Variants in KCNA3 observed in about 807,000 individuals in gnomAD.
KCNA3 encodes the protein potassium voltage-gated channel subfamily A member 3, also known as RP11-284N8.3.
A neutral mutation model predicts 34.3 loss-of-function variants in KCNA3; 18 were observed. That is an observed-to-expected ratio of 0.52 (90% CI 0.36 to 0.78). The LOEUF (loss-of-function observed/expected upper bound fraction) is 0.78. Ranked by LOEUF, KCNA3 falls within the 30% of genes least tolerant of loss-of-function variation. The pLI, the probability that KCNA3 is intolerant of heterozygous loss-of-function variation, is 0.00. For synonymous variants in KCNA3, 324 were observed against 351.7 expected (o/e 0.92, Z 0.88); for missense variants, 587 against 802.5 (o/e 0.73, Z 3.24).
At chr1:110,668,238 TTTC>T (rs1361713608), downstream of KCNA3, among the ~76,000 whole-genome samples, 1 of 152,162 alleles carries the variant, frequency 6.6e-6, no homozygotes, top group African/African-American at 2.4e-5. Context: ...TCTCACAGTG[TTTC>T]CATAAGTCTT....
chr1:110,671,010 A>C (rs959260896), downstream of KCNA3, among the ~76,000 whole-genome samples: 4 of 152,260 alleles, frequency 2.6e-5, no homozygotes, highest in African/African-American at 9.6e-5. Flanking sequence ...TATATGAAAC[A>C]GAATGATTAT....
chr1:110,661,377 C>A, the KCNA3 span, among the ~76,000 whole-genome samples: 2 of 152,160 alleles, frequency 1.3e-5, no homozygotes, highest in Non-Finnish European at 2.9e-5. Context: ...CACTGCTCAT[C>A]AGTGATTTTA....
At chr1:110,664,840 G>A in the KCNA3 span, among the ~76,000 whole-genome samples, 1 of 152,222 alleles carries the variant, frequency 6.6e-6, no homozygotes, top group African/African-American at 2.4e-5. Context: ...AGATAGTGTG[G>A]CTAGGGAAGG....
the KCNA3 span, among the ~76,000 whole-genome samples, chr1:110,660,457 A>G: frequency 6.6e-6 from 1 of 152,064 alleles, no homozygotes; most frequent in Non-Finnish European, 1.5e-5. Flanking sequence ...GTAATCTATG[A>G]TGAGAACTCT....
downstream of KCNA3, among the ~76,000 whole-genome samples, chr1:110,667,674 G>A (rs932410201): frequency 6.6e-6 from 1 of 152,038 alleles, no homozygotes; most frequent in Non-Finnish European, 1.5e-5. Context: ...GGCTAATGGT[G>A]CAAATTTTAA....
Position 110,674,639 on chromosome 1 carries a change from G to T in KCNA3, c.171C>A (p.Pro57=). The change falls in exon 1 of 1, where the codon CCC becomes CCA. Residue 57 remains proline, a synonymous_variant. Coordinates refer to ENST00000369769, the MANE Select transcript of KCNA3 (RefSeq NM_002232.5). This position sits in a 1 kb window ranked among gnomAD's most constrained non-coding sequence, Gnocchi z 6.4. ...RELPPDMTVV[P]GDHLLEPEVA... Reference sequence around the variant, plus strand: ...CCTCCGGCTCCAGCAGGTGGTCCCCGGGCACCACGGTCATGTCGGGCGGCA... The same window carrying T: ...CCTCCGGCTCCAGCAGGTGGTCCCCTGGCACCACGGTCATGTCGGGCGGCA... 1 of 1,545,792 alleles carries T rather than the reference G, an allele frequency of 6.5e-7. No homozygotes were observed. The highest frequency in any genetic ancestry group is 2.5e-5 in the East Asian group (1 of 39,340).
chr1:110,665,221 A>C, the KCNA3 span, among the ~76,000 whole-genome samples: 1 of 152,246 alleles, frequency 6.6e-6, no homozygotes, highest in Non-Finnish European at 1.5e-5. Context: ...ATAGACTCAA[A>C]TAAGAGGAAG....
In KCNA3 at chr1:110,673,015, G is replaced by A. The variant is rs1651943670; in HGVS notation, c.*67C>T. The A allele has an allele frequency of 6.9e-7, 1 of 1,440,548 alleles. No homozygotes were observed. The highest frequency in any genetic ancestry group is 1.9e-5 in the Admixed American group (1 of 52,406). 89.2% of individuals were successfully genotyped at this position (1,440,548 alleles called of 1,614,324 possible). A position where few individuals can be genotyped will look rare whatever the true frequency, so the allele number is the denominator to read the frequency against. ...ATGGTCTGGAAATGTATAAAACAAG[G>A]GCATAGGCAGACCAAGGGGGCACGT... On this transcript the variant is annotated 3_prime_UTR_variant, in exon 1 of 1. Coordinates refer to ENST00000369769, the MANE Select transcript of KCNA3 (RefSeq NM_002232.5). The surrounding 1 kb of genome is among the most constrained non-coding windows in gnomAD (Gnocchi z 8.8).
At chr1:110,670,837 A>G (rs1007874553), downstream of KCNA3, among the ~76,000 whole-genome samples, 1 of 152,062 alleles carries the variant, frequency 6.6e-6, no homozygotes, top group Non-Finnish European at 1.5e-5. Flanking sequence ...CTCAATCACT[A>G]TTTTCCTCTC....
the KCNA3 span, among the ~76,000 whole-genome samples, chr1:110,662,299 A>G: frequency 6.6e-6 from 1 of 151,982 alleles, no homozygotes; most frequent in Non-Finnish European, 1.5e-5. Flanking sequence ...AGAACAAGAA[A>G]AGAGAATAAG....
In KCNA3 at chr1:110,674,742, G is replaced by T. The variant is rs965826219; in HGVS notation, c.68C>A (p.Pro23His). ...PPSARHRAHP[P>H]QRPASSGGAH... ...ACCGCCGCTGCTCGCTGGGCGCTGA[G>T]GAGGGTGGGCGCGGTGGCGGGCTGA... The change falls in exon 1 of 1, where the codon CCT (proline) becomes CAT (histidine). Residue 23 changes from proline (P) to histidine (H), a missense_variant. This residue lies in a region of KCNA3 where 341 missense variants were observed against 355.4 expected (regional missense o/e 0.96). Coordinates refer to ENST00000369769, the MANE Select transcript of KCNA3 (RefSeq NM_002232.5). This position sits in a 1 kb window ranked among gnomAD's most constrained non-coding sequence, Gnocchi z 6.4. 9 of 1,412,530 alleles carry T rather than the reference G, an allele frequency of 6.4e-6. No homozygotes were observed. Among genetic ancestry groups the T allele is most frequent in the Non-Finnish European group, 2.7e-6 (3 of 1,091,074 alleles). 87.5% of individuals were successfully genotyped at this position (1,412,530 alleles called of 1,614,324 possible).
the KCNA3 span, among the ~76,000 whole-genome samples, chr1:110,660,511 AGAG>A: frequency 6.7e-6 from 1 of 149,476 alleles, no homozygotes; most frequent in African/African-American, 2.4e-5. Context: ...GGAGAGAAAA[AGAG>A]AGAGAGAGAG....
At chr1:110,666,005 T>C in the KCNA3 span, among the ~76,000 whole-genome samples, 2 of 152,114 alleles carry the variant, frequency 1.3e-5, no homozygotes, top group Non-Finnish European at 2.9e-5. Context: ...AAGGGAGAGA[T>C]AGTCCCCACT....
Position 110,674,540 on chromosome 1 carries a change from C to A in KCNA3, c.270G>T (p.Pro90=), listed in dbSNP as rs1203075918. The A allele has an allele frequency of 2.5e-6, 4 of 1,605,020 alleles. No homozygotes were observed. In the South Asian group the frequency reaches 3.3e-5, roughly 13 times the overall value. Residue 90 remains proline (P), a synonymous_variant, in exon 1 of 1, where the codon CCG becomes CCT. Transcript: ENST00000369769. This position sits in a 1 kb window ranked among gnomAD's most constrained non-coding sequence, Gnocchi z 6.4. ...GCTCGCCCGCGGCCGGCAGTGAGGG[C>A]GGCAGCGGCTCGTAGCGGTCGCAGC... ...GGGCDRYEPL[P]PSLPAAGEQD...
chr1:110,661,367 C>T, the KCNA3 span, among the ~76,000 whole-genome samples: 49 of 152,282 alleles, frequency 3.2e-4, no homozygotes, highest in Admixed American at 1.1e-3. Flanking sequence ...GCAGACAGAT[C>T]ACTGCTCATC....
chr1:110,665,916 C>T, the KCNA3 span, among the ~76,000 whole-genome samples: 1 of 152,120 alleles, frequency 6.6e-6, no homozygotes, highest in Non-Finnish European at 1.5e-5. Flanking sequence ...GCCAAGTACA[C>T]TTTTGGTGGA....
At chr1:110,665,857 A>C in the KCNA3 span, among the ~76,000 whole-genome samples, 1 of 152,098 alleles carries the variant, frequency 6.6e-6, no homozygotes, top group Non-Finnish European at 1.5e-5. Context: ...TGAAATGAGA[A>C]CTGAGAAATG....
At chr1:110,657,051 T>TTC in the KCNA3 span, 1 of 149,412 alleles carries the variant, frequency 6.7e-6, no homozygotes, top group Non-Finnish European at 1.5e-5. Context: ...TTTTCTTTTT[T>TTC]TTTTTTTTTT....
rs761961824 is a variant in KCNA3, at chr1:110,674,334, A to T, written c.476T>A (p.Ile159Asn). The part of the protein sequence containing the change: ...FDRNRPSFDA[I>N]LYYYQSGGRI... ...GCCCCCGGACTGATAGTAGTAGAGG[A>T]TGGCGTCGAAGCTGGGCCGGTTGCG... is the stretch of plus-strand genomic sequence containing the variant. The change falls in exon 1 of 1, where the codon ATC becomes AAC. Residue 159 changes from isoleucine to asparagine, a missense_variant. Ile to Asn is a moderately radical substitution (Grantham distance 149, BLOSUM62 -3). Around this residue, in one of 7 missense-constraint regions of KCNA3, gnomAD observed 341 missense variants for 355.4 expected, o/e 0.96. Coordinates refer to ENST00000369769, the MANE Select transcript of KCNA3 (RefSeq NM_002232.5). The surrounding 1 kb of genome is among the most constrained non-coding windows in gnomAD (Gnocchi z 6.4). 4 of 1,614,120 alleles carry T rather than the reference A, an allele frequency of 2.5e-6. 1 individual carries two copies. In the South Asian group the frequency reaches 4.4e-5, roughly 18 times the overall value.
Sources: gnomAD v4.1 joint callset for allele counts (sites outside exome capture counted in the v4.1 genomes callset) on GRCh38, gnomAD v4.1.1 for gene constraint, gnomAD v4.1.1 regional missense constraint, Gnocchi (gnomAD v3.1) non-coding constraint, MANE v1.5 for transcripts, NCBI Gene and HGNC (gene_info 2026-07-23, HGNC 2026-07-21) for gene names.